The following ACVR1 variants were observed in gnomAD, a reference collection of about 807,000 sequenced individuals.
ACVR1 encodes activin receptor type-1.
In ACVR1, 38 loss-of-function variants were observed where a neutral mutation model predicts 57.1. The observed-to-expected ratio is 0.67, with a 90% CI of 0.51 to 0.87. The LOEUF is 0.87. Among genes scored for constraint, ACVR1 ranks in the 40% least tolerant of loss-of-function variants. The pLI, the probability that ACVR1 is intolerant of heterozygous loss-of-function variation, is 0.00. For synonymous variants in ACVR1, 212 were observed against 228.1 expected, an observed-to-expected ratio of 0.93 and a Z score of 0.63; for missense variants, 463 against 638.2, an observed-to-expected ratio of 0.73 and a Z score of 2.96.
At chr2:157,840,075 C>G (rs112847702) in intron 1 of ACVR1, among the ~76,000 whole-genome samples, 2,427 of 152,246 alleles carry the variant, frequency 0.016, 76 homozygotes, top group African/African-American at 0.055. Context: ...ACAGGAACTA[C>G]TAGAAAAGAA....
At chr2:157,793,590 T>C (rs910377588) in intron 3 of ACVR1, among the ~76,000 whole-genome samples, 8 of 152,230 alleles carry the variant, frequency 5.3e-5, no homozygotes, top group Non-Finnish European at 1.2e-4. Flanking sequence ...TGCCTTAGTA[T>C]GTCATCCCTT....
At chr2:157,795,288 G>A (rs972487292) in intron 3 of ACVR1, among the ~76,000 whole-genome samples, 7 of 151,780 alleles carry the variant, frequency 4.6e-5, no homozygotes, top group Non-Finnish European at 5.9e-5. Context: ...AACCAAGGTT[G>A]AGGATACTAG....
At chr2:157,815,969 G>A (rs1687919778) in intron 2 of ACVR1, among the ~76,000 whole-genome samples, 1 of 152,076 alleles carries the variant, frequency 6.6e-6, no homozygotes, top group Non-Finnish European at 1.5e-5. Flanking sequence ...TCTCACTTGA[G>A]GACTGGTGAT....
chr2:157,815,157 A>G (rs1408987083), intron 2 of ACVR1, among the ~76,000 whole-genome samples: 2 of 152,222 alleles, frequency 1.3e-5, no homozygotes, highest in Non-Finnish European at 2.9e-5. Flanking sequence ...TTATTTCAAT[A>G]AGAAAACGTA....
chr2:157,815,970 G>T (rs1687919857), intron 2 of ACVR1, among the ~76,000 whole-genome samples: 1 of 152,062 alleles, frequency 6.6e-6, no homozygotes, highest in South Asian at 2.1e-4. Context: ...CTCACTTGAG[G>T]ACTGGTGATT....
At chr2:157,832,176 T>C (rs1688602660) in intron 1 of ACVR1, among the ~76,000 whole-genome samples, 1 of 152,200 alleles carries the variant, frequency 6.6e-6, no homozygotes, top group South Asian at 2.1e-4. Flanking sequence ...CACATTACTC[T>C]CTGCCTGTGT....
At chr2:157,738,615 A>T (rs1314441814) in intron 9 of ACVR1, 45 bp from the exon 10 acceptor site, 1 of 1,613,718 alleles carries the variant, frequency 6.2e-7, no homozygotes, top group Non-Finnish European at 8.5e-7. Flanking sequence ...AAGAGAGTAC[A>T]GGTTGCCCCA....
chr2:157,838,431 G>A (rs1365211740), intron 1 of ACVR1: 1 of 152,002 alleles, frequency 6.6e-6, no homozygotes, highest in Non-Finnish European at 1.5e-5. Flanking sequence ...TAAAAGTCAA[G>A]AATAATATTT....
chr2:157,875,122 C>T (rs572510291), intron 1 of ACVR1: 1 of 152,302 alleles, frequency 6.6e-6, no homozygotes, highest in South Asian at 2.1e-4. Context: ...TTAGTGCGCC[C>T]GAGGTTCTAG....
chr2:157,872,427 A>G (rs983236653), intron 1 of ACVR1, among the ~76,000 whole-genome samples: 4 of 152,324 alleles, frequency 2.6e-5, no homozygotes, highest in East Asian at 3.9e-4. Flanking sequence ...TGCTAGATAT[A>G]TAAGACAAGG....
chr2:157,828,919 A>G (rs765261964), intron 1 of ACVR1, among the ~76,000 whole-genome samples: 11 of 152,054 alleles, frequency 7.2e-5, no homozygotes, highest in Middle Eastern at 3.4e-3. Context: ...GGCACCCACC[A>G]CCATGCCCAG....
intron 2 of ACVR1, among the ~76,000 whole-genome samples, chr2:157,800,068 A>G (rs1184099364): frequency 6.6e-6 from 1 of 152,242 alleles, no homozygotes; most frequent in Non-Finnish European, 1.5e-5. Flanking sequence ...AGGCAAAGCA[A>G]TGCATTTCTG....
chr2:157,805,107 AATC>A (rs1687469078), intron 2 of ACVR1, among the ~76,000 whole-genome samples: 1 of 152,216 alleles, frequency 6.6e-6, no homozygotes, highest in African/African-American at 2.4e-5. Flanking sequence ...TCTAAGTGCT[AATC>A]TATAATACAG....
At chr2:157,764,640 G>A (rs1574036129) in intron 8 of ACVR1, among the ~76,000 whole-genome samples, 1 of 152,140 alleles carries the variant, frequency 6.6e-6, no homozygotes, top group African/African-American at 2.4e-5. Context: ...CTGAGTGAAA[G>A]CAGTGTCAGC....
intron 2 of ACVR1, among the ~76,000 whole-genome samples, chr2:157,807,915 T>C (rs1257899754): frequency 6.7e-6 from 1 of 149,266 alleles, no homozygotes; most frequent in Non-Finnish European, 1.5e-5. Context: ...CATTTCTCTC[T>C]TTCTCTCTCT....
rs78753617 is a variant in ACVR1 at position 157,836,456 on chromosome 2, T to C, written c.-182-17897A>G. Among the ~76,000 whole-genome samples the C allele has an allele frequency of 8.5e-5, 13 of 152,228 alleles. No individual in the cohort carries two copies. The East Asian group carries it at 2.1e-3, about 25-fold the overall frequency. On this transcript the variant is annotated intron_variant, in intron 1 of 10. Coordinates refer to ENST00000434821, the MANE Select transcript of ACVR1 (RefSeq NM_001111067.4). The stretch of plus-strand genomic sequence containing the variant: ...AGGTTGTACCTAAAAGCATTCCTTA[T>C]TGCTCCTCCCTACACATTTTATCCA...
In ACVR1 at chr2:157,876,194, G is replaced by C. The variant is rs1422616927; in HGVS notation, c.-581C>G. On this transcript the variant is annotated 5_prime_UTR_variant, in exon 1 of 11. Coordinates refer to ENST00000434821, the MANE Select transcript of ACVR1 (RefSeq NM_001111067.4). ...TCCCGAGGCGCAGAGGCTCGGGCTG[G>C]GAGCACGACCGCGGGCGGGGCGGGC... is the stretch of plus-strand genomic sequence containing the variant. Among the ~76,000 whole-genome samples the C allele has an allele frequency of 6.6e-6, 1 of 150,476 alleles. No homozygotes were observed. The highest frequency in any genetic ancestry group is 1.5e-5 in the Non-Finnish European group (1 of 67,352).
At chr2:157,811,155 CTT>C in intron 2 of ACVR1, among the ~76,000 whole-genome samples, 1 of 77,470 alleles carries the variant, frequency 1.3e-5, no homozygotes, top group African/African-American at 2.5e-5. Context: ...TCTCAGGTAT[CTT>C]TACTTTTAAT....
intron 1 of ACVR1, among the ~76,000 whole-genome samples, chr2:157,837,419 G>A (rs1688820146): frequency 6.6e-6 from 1 of 152,278 alleles, no homozygotes; most frequent in South Asian, 2.1e-4. Context: ...AGTACATATA[G>A]AATGAAAGCT....
Sources: allele counts gnomAD v4.1 joint callset (sites outside exome capture counted in the v4.1 genomes callset), GRCh38; gene constraint gnomAD v4.1.1; transcripts MANE v1.5; gene names NCBI Gene and HGNC (gene_info 2026-07-23, HGNC 2026-07-21).